BCL9: variants seen among roughly 807,000 people sequenced by gnomAD.
The protein encoded by BCL9 is BCL9 transcription coactivator.
In BCL9, 25 loss-of-function variants were observed where a neutral mutation model predicts 88.5. That is an observed-to-expected ratio of 0.28 (90% CI 0.21 to 0.39). The LOEUF is 0.39. Among genes scored for constraint, BCL9 ranks in the 10% least tolerant of loss-of-function variants. BCL9 has a pLI of 1.00. For missense variants in BCL9, 1,817 were observed against 1,877.8 expected (o/e 0.97, Z 0.60); for synonymous variants, 711 against 673.3 (o/e 1.06, Z -0.87).
chr1:147,605,599 G>A (rs1039860024), intron 2 of BCL9, among the ~76,000 whole-genome samples: 2 of 152,192 alleles, frequency 1.3e-5, no homozygotes, highest in Non-Finnish European at 2.9e-5. Context: ...TACCCCATGA[G>A]TACTAAAATG....
At chr1:147,564,139 GATCTCAGACTAGTAA>G (rs1655503645) in intron 1 of BCL9, among the ~76,000 whole-genome samples, 1 of 152,132 alleles carries the variant, frequency 6.6e-6, no homozygotes, top group Admixed American at 6.5e-5. Flanking sequence ...ATAGGCGTGT[GATCTCAGACTAGTAA>G]CTTCCTCAAC....
intron 1 of BCL9, among the ~76,000 whole-genome samples, chr1:147,543,135 GAAA>G (rs1381078406): frequency 4.0e-5 from 6 of 151,704 alleles, no homozygotes; most frequent in Middle Eastern, 6.8e-3. Context: ...TTTTTTTGAG[GAAA>G]AAAAATGTCT....
intron 1 of BCL9, among the ~76,000 whole-genome samples, chr1:147,542,972 A>T (rs1654401568): frequency 6.6e-6 from 1 of 152,180 alleles, no homozygotes; most frequent in Non-Finnish European, 1.5e-5. Context: ...TTTATCAGAG[A>T]GTAAATATCT....
At chr1:147,552,964 G>T (rs1195557236) in intron 1 of BCL9, among the ~76,000 whole-genome samples, 2 of 88,514 alleles carry the variant, frequency 2.3e-5, no homozygotes, top group Non-Finnish European at 4.2e-5. Context: ...GTCTGCAGTT[G>T]GGAATTTCCA....
In BCL9 at chr1:147,584,104, A is replaced by G. The variant is rs897314598; in HGVS notation, c.-477-20673A>G. Among the ~76,000 whole-genome samples, 7 of 150,914 alleles carry G rather than the reference A, an allele frequency of 4.6e-5. 1 individual carries two copies. The highest frequency in any genetic ancestry group is 4.0e-4 in the Admixed American group (6 of 15,174). On this transcript the variant is annotated intron_variant, in intron 1 of 9. Coordinates refer to ENST00000234739, the MANE Select transcript of BCL9 (RefSeq NM_004326.4). ...CTCTTGTTGCCCAGGCTGGAGTGCA[A>G]TGGTGTGATCTCAGCTCACTGCAAC...
chr1:147,597,451 C>T (rs1241624650), intron 1 of BCL9, among the ~76,000 whole-genome samples: 3 of 152,120 alleles, frequency 2.0e-5, no homozygotes, highest in Non-Finnish European at 4.4e-5. Context: ...AGCAATTTTA[C>T]CATTTGGGTA....
chr1:147,595,403 G>A (rs1553200353), intron 1 of BCL9, among the ~76,000 whole-genome samples: 1 of 152,208 alleles, frequency 6.6e-6, no homozygotes, highest in African/African-American at 2.4e-5. Context: ...GAGATTGATT[G>A]TGTGAGCTGG....
chr1:147,582,757 T>G (rs1656424289), intron 1 of BCL9, among the ~76,000 whole-genome samples: 1 of 152,228 alleles, frequency 6.6e-6, no homozygotes, highest in South Asian at 2.1e-4. Context: ...CTATGACTGC[T>G]TTCACCGTAC....
chr1:147,564,007 C>A (rs1165174985), intron 1 of BCL9, among the ~76,000 whole-genome samples: 2 of 152,192 alleles, frequency 1.3e-5, no homozygotes, highest in African/African-American at 4.8e-5. Context: ...GGCTTGTTAA[C>A]TACTTTGCAG....
chr1:147,548,333 TC>T (rs1226411866), intron 1 of BCL9, among the ~76,000 whole-genome samples: 22 of 152,292 alleles, frequency 1.4e-4, no homozygotes, highest in African/African-American at 5.3e-4. Flanking sequence ...GCAACCATAG[TC>T]TAAAGAATTC....
At chr1:147,600,318 C>G (rs1553201095) in intron 1 of BCL9, 4 of 152,898 alleles carry the variant, frequency 2.6e-5, no homozygotes, top group African/African-American at 9.7e-5. Flanking sequence ...CCTCTCCCCT[C>G]CCCCACTCCT....
intron 1 of BCL9, among the ~76,000 whole-genome samples, chr1:147,582,308 T>C (rs587707717): frequency 1.7e-4 from 26 of 152,392 alleles, no homozygotes; most frequent in African/African-American, 5.8e-4. Context: ...TGTTTCTTTG[T>C]ATAAATTTCT....
rs1013849270 is a variant in BCL9 at position 147,625,251 on chromosome 1, G to C, written c.*292G>C. ...TTGGGAATCTGTAGCTGTGCTTTGAGAATTGCCATCGGTCATGTGTTGCAC... is the reference window on the plus strand; with the variant it reads ...TTGGGAATCTGTAGCTGTGCTTTGACAATTGCCATCGGTCATGTGTTGCAC... On this transcript the variant is annotated 3_prime_UTR_variant, in exon 10 of 10. Transcript: ENST00000234739. The C allele has an allele frequency of 5.1e-6, 2 of 390,320 alleles. No individual in the cohort carries two copies. Among genetic ancestry groups the C allele is most frequent in the African/African-American group, 4.0e-5 (2 of 50,086 alleles). 24.2% of individuals were successfully genotyped at this position (390,320 alleles called of 1,614,324 possible).
chr1:147,573,729 T>C (rs1398401147), intron 1 of BCL9, among the ~76,000 whole-genome samples: 1 of 152,226 alleles, frequency 6.6e-6, no homozygotes, highest in African/African-American at 2.4e-5. Context: ...ATGTACTACA[T>C]TTAACACAAT....
At chr1:147,610,277 A>G (rs183819009) in intron 3 of BCL9, among the ~76,000 whole-genome samples, 2 of 152,200 alleles carry the variant, frequency 1.3e-5, no homozygotes, top group East Asian at 3.9e-4. Flanking sequence ...GTCAGCATAG[A>G]AACATTCATA....
intron 1 of BCL9, among the ~76,000 whole-genome samples, chr1:147,578,360 A>C (rs993313991): frequency 6.6e-6 from 1 of 152,198 alleles, no homozygotes; most frequent in Non-Finnish European, 1.5e-5. Context: ...CCTGACTTTC[A>C]TGTGACAGGT....
At chr1:147,613,892 T>C (rs1658136471) in intron 5 of BCL9, among the ~76,000 whole-genome samples, 1 of 152,160 alleles carries the variant, frequency 6.6e-6, no homozygotes, top group Non-Finnish European at 1.5e-5. Context: ...GGAAGTATGA[T>C]TTTCCAACCC....
chr1:147,545,834 GCT>G (rs1553194207), intron 1 of BCL9, among the ~76,000 whole-genome samples: 3 of 152,050 alleles, frequency 2.0e-5, no homozygotes, highest in African/African-American at 7.3e-5. Flanking sequence ...TATTATAACA[GCT>G]CTGTGAATTA....
At chr1:147,571,587 C>T (rs1655889963) in intron 1 of BCL9, among the ~76,000 whole-genome samples, 1 of 152,126 alleles carries the variant, frequency 6.6e-6, no homozygotes, top group Non-Finnish European at 1.5e-5. Flanking sequence ...TTAGTTCTTC[C>T]TCAAATGGTG....
Sources: allele counts gnomAD v4.1 joint callset (sites outside exome capture counted in the v4.1 genomes callset), GRCh38; gene constraint gnomAD v4.1.1; transcripts MANE v1.5; gene names NCBI Gene and HGNC (gene_info 2026-07-23, HGNC 2026-07-21).